The following ZFP28 variants were observed in gnomAD, a reference collection of about 807,000 sequenced individuals.
ZFP28 encodes zinc finger protein 28 homolog.
Under a neutral mutation model 39.5 loss-of-function variants are expected in ZFP28, and 31 were observed. That is an observed-to-expected ratio of 0.79 (90% CI 0.59 to 1.06). The LOEUF is 1.06. Among genes scored for constraint, ZFP28 ranks in the 50% least tolerant of loss-of-function variants. The pLI is 0.00. For synonymous variants in ZFP28, 400 were observed against 378.6 expected, an observed-to-expected ratio of 1.06 and a Z score of -0.66; for missense variants, 925 against 1,048.4, an observed-to-expected ratio of 0.88 and a Z score of 1.63.
rs985243383 is a variant in ZFP28, at chr19:56,551,105, T to C, written c.898+500T>C. The C allele has an allele frequency of 1.3e-5, 13 of 1,038,060 alleles. No homozygotes were observed. In the East Asian group the frequency reaches 8.7e-4, roughly 69 times the overall value. 64.3% of individuals were successfully genotyped at this position (1,038,060 alleles called of 1,614,324 possible). A position where few individuals can be genotyped will look rare whatever the true frequency, so the allele number is the denominator to read the frequency against. On this transcript the variant is annotated intron_variant, in intron 7 of 7. Coordinates refer to ENST00000301318, the MANE Select transcript of ZFP28 (RefSeq NM_020828.2). ...GGATAAGACATGTTTATGGATAGCT[T>C]GCATGAAGTAGAGTTTGCAGAATTT...
At position 56,554,183 on chromosome 19, in the gene ZFP28, C is replaced by T; in HGVS notation, c.1398C>T (p.His466=). The T allele has an allele frequency of 1.2e-6, 2 of 1,613,996 alleles. No homozygotes were observed. The highest frequency in any genetic ancestry group is 1.7e-6 in the Non-Finnish European group (2 of 1,179,986). ...GTGACGGCTCATCCTTTGCCCGACACCAGAGATGTCACACTGGCAAGAAGC... is the reference window on the plus strand; with the variant it reads ...GTGACGGCTCATCCTTTGCCCGACATCAGAGATGTCACACTGGCAAGAAGC... ...AFSDGSSFAR[H]QRCHTGKKPY... Residue 466 remains histidine, a synonymous_variant, in exon 8 of 8, where the codon CAC becomes CAT. Transcript: ENST00000301318. This position sits in a 1 kb window ranked among gnomAD's most constrained non-coding sequence, Gnocchi z 6.7.
Position 56,554,728 on chromosome 19 carries a change from A to C in ZFP28, c.1943A>C (p.Lys648Thr), listed in dbSNP as rs772010003. The C allele has an allele frequency of 1.9e-6, 3 of 1,614,160 alleles. No individual in the cohort carries two copies. The highest frequency in any genetic ancestry group is 2.2e-5 in the South Asian group (2 of 91,086). Residue 648 changes from lysine (K) to threonine (T), a missense_variant, in exon 8 of 8, where the codon AAG becomes ACG. Around this residue, in one of 2 missense-constraint regions of ZFP28, gnomAD observed 369 missense variants for 505.5 expected, o/e 0.73. Coordinates refer to ENST00000301318, the MANE Select transcript of ZFP28 (RefSeq NM_020828.2). The surrounding 1 kb of genome is among the most constrained non-coding windows in gnomAD (Gnocchi z 6.7). The stretch of plus-strand genomic sequence containing the variant: ...ACTGGAGAGAAGCCCTATGAATGTA[A>C]GGTTTGTAGTAAAGCGTTCACCCAG... Reference protein sequence around the residue: ...IHTGEKPYECKVCSKAFTQKA... With the variant: ...IHTGEKPYECTVCSKAFTQKA...
chr19:56,548,831 A>T, intron 4 of ZFP28, 127 bp from the exon 5 acceptor site: 1 of 1,030,808 alleles, frequency 9.7e-7, no homozygotes, highest in Non-Finnish European at 1.4e-6. Context: ...TATGCTTTTC[A>T]TTTTCTTCCA....
chr19:56,550,264 A>C, intron 6 of ZFP28, 83 bp downstream of exon 6: 1 of 1,339,510 alleles, frequency 7.5e-7, no homozygotes, highest in Middle Eastern at 2.1e-4. Flanking sequence ...TGGAGGAGGG[A>C]GGGGGTGTCT....
chr19:56,540,468 T>G (rs978437655), intron 2 of ZFP28, among the ~76,000 whole-genome samples: 2 of 152,216 alleles, frequency 1.3e-5, no homozygotes, highest in Non-Finnish European at 1.5e-5. Context: ...CCATTTCACT[T>G]CCACTGAGGC....
rs548110691 is a variant in ZFP28 at position 56,547,259 on chromosome 19, G to C, written c.301-249G>C. 2.4e-4 allele frequency: 117 copies of C among 486,668 alleles called. No homozygotes were observed. Among genetic ancestry groups the C allele is most frequent in the Non-Finnish European group, 4.0e-4 (110 of 275,848 alleles). 30.1% of individuals were successfully genotyped at this position (486,668 alleles called of 1,614,324 possible). On this transcript the variant is annotated intron_variant, in intron 2 of 7. Transcript: ENST00000301318. The surrounding 1 kb of genome is among the most constrained non-coding windows in gnomAD (Gnocchi z 4.6). Reference sequence around the variant, plus strand: ...GGTCTTTTCCCTGTGCCTGCACACCGTGGTATCTCTTCCTGTTTTAATAAG... The same window carrying C: ...GGTCTTTTCCCTGTGCCTGCACACCCTGGTATCTCTTCCTGTTTTAATAAG...
Position 56,555,360 on chromosome 19 carries a change from C to T in ZFP28, c.2575C>T (p.Leu859Phe). ...TCCTGTGGATCTGTTTCCCAAATTT[C>T]TCTGGAATCCATCCTCCCTCCCATC... ...SNPVDLFPKF[L>F]WNPSSLPSP The change falls in exon 8 of 8, where the codon CTC becomes TTC. Residue 859 changes from leucine (L) to phenylalanine (F), a missense_variant. By Grantham distance (22) the Leu-to-Phe change is conservative. This residue lies in a region of ZFP28 where 369 missense variants were observed against 505.5 expected (regional missense o/e 0.73). Transcript: ENST00000301318. The T allele has an allele frequency of 6.2e-7, 1 of 1,612,688 alleles. No homozygotes were observed. The highest frequency in any genetic ancestry group is 8.5e-7 in the Non-Finnish European group (1 of 1,179,282).
Position 56,539,131 on chromosome 19 carries a change from C to T in ZFP28, c.113C>T (p.Thr38Ile), listed in dbSNP as rs1201854792. The T allele has an allele frequency of 2.5e-6, 4 of 1,587,220 alleles. No homozygotes were observed. Among genetic ancestry groups the T allele is most frequent in the Non-Finnish European group, 3.4e-6 (4 of 1,171,734 alleles). ...GGCCCGACTGTAGGGACTCCAGCCA[C>T]CTTGGCCCTCCCTGCCCGGGGAAGG... The part of the protein sequence containing the change: ...GRGPTVGTPA[T>I]LALPARGRPR... The change falls in exon 1 of 8, where the codon ACC becomes ATC. Residue 38 changes from threonine to isoleucine, a missense_variant. Physicochemically the swap from Thr to Ile is moderately conservative, Grantham distance 89. Around this residue, in one of 2 missense-constraint regions of ZFP28, gnomAD observed 556 missense variants for 542.9 expected, o/e 1.02. Coordinates refer to ENST00000301318, the MANE Select transcript of ZFP28 (RefSeq NM_020828.2).
At position 56,556,780 on chromosome 19, in the gene ZFP28, AAGG is replaced by A. The variant is rs2044356328; in HGVS notation, c.*1391_*1393del. The A allele has an allele frequency of 6.6e-6, 1 of 152,240 alleles. No individual in the cohort carries two copies. Among genetic ancestry groups the A allele is most frequent in the Non-Finnish European group, 1.5e-5 (1 of 68,040 alleles). 9.4% of individuals were successfully genotyped at this position (152,240 alleles called of 1,614,324 possible). On this transcript the variant is annotated 3_prime_UTR_variant, in exon 8 of 8. Coordinates refer to ENST00000301318, the MANE Select transcript of ZFP28 (RefSeq NM_020828.2). Reference sequence around the variant, plus strand: ...TATTGAAAAATAAAGATGTCAATAAAAGGAGAAATGATATTTTTCTAGATGAAA... The same window carrying A: ...TATTGAAAAATAAAGATGTCAATAAAAGAAATGATATTTTTCTAGATGAAA...
chr19:56,539,862 T>A, intron 2 of ZFP28, 146 bp downstream of exon 2: 1 of 682,134 alleles, frequency 1.5e-6, no homozygotes, highest in Non-Finnish European at 2.4e-6. Flanking sequence ...AGTGATGGGC[T>A]ACGGGGAAAA....
At position 56,549,002 on chromosome 19, in the gene ZFP28, G is replaced by C; in HGVS notation, c.568G>C (p.Asp190His). The change falls in exon 5 of 8, where the codon GAC becomes CAC. Residue 190 changes from aspartate to histidine, a missense_variant. Physicochemically the swap from Asp to His is moderately conservative, Grantham distance 81. Coordinates refer to ENST00000301318, the MANE Select transcript of ZFP28 (RefSeq NM_020828.2). ...WKIKELPLKK[D>H]FCEGKLSQAV... ...GATCAAGGAGTTACCTCTCAAGAAG[G>C]ACTTCTGCGAAGGAAAGCTATCCCA... The C allele has an allele frequency of 6.2e-7, 1 of 1,614,052 alleles. No individual in the cohort carries two copies. The highest frequency in any genetic ancestry group is 8.5e-7 in the Non-Finnish European group (1 of 1,180,000).
rs1262064683 is a variant in ZFP28 at position 56,554,265 on chromosome 19, C to A, written c.1480C>A (p.His494Asn). 6 of 1,614,150 alleles carry A rather than the reference C, an allele frequency of 3.7e-6. 1 individual carries two copies. The Admixed American group carries it at 1.0e-4, about 27-fold the overall frequency. The change falls in exon 8 of 8, where the codon CAC becomes AAC. Residue 494 changes from histidine to asparagine, a missense_variant. Physicochemically the swap from His to Asn is moderately conservative, Grantham distance 68. Coordinates refer to ENST00000301318, the MANE Select transcript of ZFP28 (RefSeq NM_020828.2). This position sits in a 1 kb window ranked among gnomAD's most constrained non-coding sequence, Gnocchi z 6.7. ...AFIQNTSLIR[H>N]WRYYHTGEKP... Reference sequence around the variant, plus strand: ...CATACAGAACACATCCCTTATCCGTCACTGGAGATACTATCATACTGGGGA... The same window carrying A: ...CATACAGAACACATCCCTTATCCGTAACTGGAGATACTATCATACTGGGGA...
chr19:56,550,455 C>A, intron 6 of ZFP28, 55 bp from the exon 7 acceptor site: 1 of 1,486,392 alleles, frequency 6.7e-7, no homozygotes, highest in South Asian at 1.2e-5. Context: ...AAGTGGTTCT[C>A]AATTTTAGGA....
intron 2 of ZFP28, among the ~76,000 whole-genome samples, chr19:56,544,328 A>T (rs933831372): frequency 2.0e-5 from 3 of 152,266 alleles, no homozygotes; most frequent in South Asian, 4.1e-4. Flanking sequence ...TCAGTGGTTG[A>T]AAAAAATCAA....
intron 2 of ZFP28, among the ~76,000 whole-genome samples, chr19:56,542,042 A>G (rs530139365): frequency 6.6e-6 from 1 of 151,832 alleles, no homozygotes; most frequent in East Asian, 1.9e-4. Flanking sequence ...AGTACTTTTC[A>G]ACATACTATA....
intron 2 of ZFP28, among the ~76,000 whole-genome samples, chr19:56,543,053 C>T (rs1343410156): frequency 6.6e-6 from 1 of 152,000 alleles, no homozygotes; most frequent in African/African-American, 2.4e-5. Flanking sequence ...GCAGTGGTGC[C>T]TCAAAAGCTA....
Position 56,554,698 on chromosome 19 carries a change from T to C in ZFP28, c.1913T>C (p.Ile638Thr). The C allele has an allele frequency of 6.2e-7, 1 of 1,614,138 alleles. No individual in the cohort carries two copies. Among genetic ancestry groups the C allele is most frequent in the East Asian group, 2.2e-5 (1 of 44,870 alleles). ...TCTCAGCTTGCCACTCATCAGAGAA[T>C]CCATACTGGAGAGAAGCCCTATGAA... ...ISSQLATHQR[I>T]HTGEKPYECK... is the part of the protein sequence containing the mutation. Residue 638 changes from isoleucine (I) to threonine (T), a missense_variant, in exon 8 of 8, where the codon ATC (isoleucine) becomes ACC (threonine). This residue lies in a region of ZFP28 where 369 missense variants were observed against 505.5 expected (regional missense o/e 0.73). Transcript: ENST00000301318. The surrounding 1 kb of genome is among the most constrained non-coding windows in gnomAD (Gnocchi z 6.7).
rs1318683482 is a variant in ZFP28, at chr19:56,555,739, G to A, written c.*347G>A. The A allele has an allele frequency of 2.0e-5, 4 of 203,362 alleles. No homozygotes were observed. The highest frequency in any genetic ancestry group is 2.9e-5 in the Non-Finnish European group (3 of 102,572). The allele number at this position is 203,362 out of a possible 1,614,324, so 12.6% of individuals were successfully genotyped here. A position where few individuals can be genotyped will look rare whatever the true frequency, so the allele number is the denominator to read the frequency against. Reference sequence around the variant, plus strand: ...CAGGAACAGAATTCTCCAGTAGTGGGTGAGGTTTTGCCTTTGTTGGTTTTA... The same window carrying A: ...CAGGAACAGAATTCTCCAGTAGTGGATGAGGTTTTGCCTTTGTTGGTTTTA... On this transcript the variant is annotated 3_prime_UTR_variant, in exon 8 of 8. Transcript: ENST00000301318.
rs7258886 is a variant in ZFP28, at chr19:56,556,670, C to T, written c.*1278C>T. On this transcript the variant is annotated 3_prime_UTR_variant, in exon 8 of 8. Transcript: ENST00000301318. ...ATAAAAGATTTTAATTTTATGAGGG[C>T]AATACAACTGTCACATCAGAAACAA... The T allele has an allele frequency of 0.34, 51,486 of 151,674 alleles. 9,403 individuals are homozygous for T. The highest frequency in any genetic ancestry group is 0.49 in the African/African-American group (20,150 of 41,332). The allele number at this position is 151,674 out of a possible 1,614,324, so 9.4% of individuals were successfully genotyped here. A position where few individuals can be genotyped will look rare whatever the true frequency, so the allele number is the denominator to read the frequency against.
Sources: allele counts gnomAD v4.1 joint callset (sites outside exome capture counted in the v4.1 genomes callset), GRCh38; gene constraint gnomAD v4.1.1; regional missense constraint gnomAD v4.1.1; non-coding constraint Gnocchi (gnomAD v3.1); transcripts MANE v1.5; gene names NCBI Gene and HGNC (gene_info 2026-07-23, HGNC 2026-07-21).